THSD4: variants seen among roughly 807,000 people sequenced by gnomAD.
The protein encoded by THSD4 is thrombospondin type 1 domain containing 4.
Under a neutral mutation model 119.0 loss-of-function variants are expected in THSD4, and 69 were observed. The ratio of observed to expected loss-of-function variants is 0.58; its 90% CI spans 0.48 to 0.71. The LOEUF is 0.71. Ranked by LOEUF, THSD4 falls within the 30% of genes least tolerant of loss-of-function variation. The pLI, the probability that THSD4 is intolerant of heterozygous loss-of-function variation, is 0.00. For missense variants in THSD4, 1,393 were observed against 1,391.1 expected, an observed-to-expected ratio of 1.00 and a Z score of -0.02; for synonymous variants, 524 against 540.4, an observed-to-expected ratio of 0.97 and a Z score of 0.42.
intron 7 of THSD4, among the ~76,000 whole-genome samples, chr15:71,646,536 T>A (rs1352968819): frequency 6.6e-6 from 1 of 152,218 alleles, no homozygotes; most frequent in Non-Finnish European, 1.5e-5. Flanking sequence ...TATTTGTGTT[T>A]CTTTGAATTT....
chr15:71,362,517 C>G (rs996705465), intron 6 of THSD4, among the ~76,000 whole-genome samples: 3 of 152,078 alleles, frequency 2.0e-5, no homozygotes, highest in African/African-American at 7.2e-5. Flanking sequence ...AGAGAAAAGC[C>G]TAGCCTCATC....
rs545316638 is a variant in THSD4, at chr15:71,291,868, C to G, written c.1015+35153C>G. ...CCTCCTACCCTTAGTCTTCCACCCT[C>G]CTACTCCAGTCTGGACTAGTTGTGT... On this transcript the variant is annotated intron_variant, in intron 6 of 17. Transcript: ENST00000261862. Among the ~76,000 whole-genome samples, 7 of 152,260 alleles carry G rather than the reference C, an allele frequency of 4.6e-5. No individual in the cohort carries two copies. The South Asian group carries it at 1.2e-3, about 27-fold the overall frequency.
chr15:71,165,696 C>A (rs564953088), intron 3 of THSD4, among the ~76,000 whole-genome samples: 117 of 152,242 alleles, frequency 7.7e-4, no homozygotes, highest in African/African-American at 2.6e-3. Flanking sequence ...GCAATTTTCT[C>A]AGTGGCCTAG....
At chr15:71,339,122 T>C (rs540473596) in intron 6 of THSD4, among the ~76,000 whole-genome samples, 2 of 152,358 alleles carry the variant, frequency 1.3e-5, no homozygotes, top group African/African-American at 4.8e-5. Flanking sequence ...GTTAGCTTTG[T>C]GTTCTGCCCT....
At chr15:71,177,793 G>C (rs1158866009) in intron 3 of THSD4, among the ~76,000 whole-genome samples, 4 of 146,480 alleles carry the variant, frequency 2.7e-5, no homozygotes, top group Non-Finnish European at 4.5e-5. Flanking sequence ...TATCCACCAT[G>C]ATCAAGTGGG....
intron 7 of THSD4, among the ~76,000 whole-genome samples, chr15:71,623,578 G>A (rs1297853627): frequency 2.0e-5 from 3 of 152,236 alleles, no homozygotes; most frequent in South Asian, 4.1e-4. Flanking sequence ...CAGTATTATG[G>A]CATCTTAAAG....
intron 7 of THSD4, among the ~76,000 whole-genome samples, chr15:71,486,007 A>G (rs1041298317): frequency 2.0e-5 from 3 of 152,216 alleles, no homozygotes; most frequent in Non-Finnish European, 2.9e-5. Context: ...AATGCTGAAC[A>G]AATTGAAGTC....
At chr15:71,486,611 G>GTT (rs200120589) in intron 7 of THSD4, among the ~76,000 whole-genome samples, 6 of 131,706 alleles carry the variant, frequency 4.6e-5, no homozygotes, top group African/African-American at 1.8e-4. Context: ...TTTCTTTTCT[G>GTT]TTTTTTTTTT....
intron 3 of THSD4, among the ~76,000 whole-genome samples, chr15:71,160,723 T>C (rs932221172): frequency 1.3e-5 from 2 of 151,966 alleles, no homozygotes; most frequent in Non-Finnish European, 2.9e-5. Flanking sequence ...GGTTTGTCAA[T>C]TTTGTTCACC....
In THSD4 at chr15:71,748,609, G is replaced by A. The variant is rs114610833; in HGVS notation, c.2415+15G>A. 2,173 of 1,613,430 alleles carry A rather than the reference G, an allele frequency of 1.3e-3. 20 individuals are homozygous for A. In the African/African-American group the frequency reaches 0.02, roughly 15 times the overall value. ...GGAGCGAAAGGGTGAGTGTGATGGC[G>A]GGCAGAGCGCCGGGGACCGAGGTCT... On this transcript the variant is annotated intron_variant, in intron 14 of 17. Transcript: ENST00000261862.
intron 7 of THSD4, among the ~76,000 whole-genome samples, chr15:71,431,290 A>G (rs1355879820): frequency 6.6e-6 from 1 of 152,208 alleles, no homozygotes; most frequent in African/African-American, 2.4e-5. Flanking sequence ...TTATGAGTCC[A>G]GCTTTTTCCA....
rs575970552 is a variant in THSD4 at position 71,363,584 on chromosome 15, A to G, written c.1016-48103A>G. On this transcript the variant is annotated intron_variant, in intron 6 of 17. Coordinates refer to ENST00000261862, the MANE Select transcript of THSD4 (RefSeq NM_024817.3). ...AAGAATATTAAGAACAAAAAGCGAA[A>G]TCATGACTCCTTTTCAAAGACAAAA... Among the ~76,000 whole-genome samples the G allele has an allele frequency of 2.4e-4, 36 of 152,348 alleles. 1 individual carries two copies. The highest frequency in any genetic ancestry group is 2.1e-3 in the Admixed American group (32 of 15,306).
chr15:71,764,231 G>T (rs2053676252), intron 15 of THSD4, among the ~76,000 whole-genome samples: 1 of 152,228 alleles, frequency 6.6e-6, no homozygotes, highest in African/African-American at 2.4e-5. Context: ...GGGTGACAGA[G>T]TGAGACCTTG....
chr15:71,597,464 A>G (rs1317437460), intron 7 of THSD4, among the ~76,000 whole-genome samples: 1 of 152,230 alleles, frequency 6.6e-6, no homozygotes, highest in Non-Finnish European at 1.5e-5. Context: ...ACTTCTTTAC[A>G]GAGTGTTTAT....
At chr15:71,598,349 A>C (rs28502398) in intron 7 of THSD4, among the ~76,000 whole-genome samples, 27,498 of 152,048 alleles carry the variant, frequency 0.18, 3,095 homozygotes, top group East Asian at 0.48. Flanking sequence ...CAAACGGGAC[A>C]CATCCCTGAG....
At chr15:71,741,874 C>G (rs2053242865) in intron 11 of THSD4, among the ~76,000 whole-genome samples, 1 of 152,208 alleles carries the variant, frequency 6.6e-6, no homozygotes, top group Non-Finnish European at 1.5e-5. Flanking sequence ...CTCATCCCTC[C>G]CTTCTCTGGC....
intron 6 of THSD4, among the ~76,000 whole-genome samples, chr15:71,307,169 T>C (rs1315363747): frequency 6.6e-6 from 1 of 152,218 alleles, no homozygotes; most frequent in Admixed American, 6.5e-5. Flanking sequence ...TTTTCTGGCC[T>C]GTTGGTGGCT....
intron 6 of THSD4, among the ~76,000 whole-genome samples, chr15:71,281,920 A>G (rs2044657690): frequency 6.6e-6 from 1 of 152,184 alleles, no homozygotes; most frequent in African/African-American, 2.4e-5. Context: ...TGGCTCATGT[A>G]GTATAACCAT....
chr15:71,658,666 CAT>C (rs1228433541), intron 7 of THSD4, among the ~76,000 whole-genome samples: 8 of 152,130 alleles, frequency 5.3e-5, no homozygotes, highest in Non-Finnish European at 2.9e-5. Flanking sequence ...ACATGGAAAA[CAT>C]ATTCCTTATT....
Sources: gnomAD v4.1 joint callset for allele counts (sites outside exome capture counted in the v4.1 genomes callset) on GRCh38, gnomAD v4.1.1 for gene constraint, MANE v1.5 for transcripts, NCBI Gene and HGNC (gene_info 2026-07-23, HGNC 2026-07-21) for gene names.